The following RGS6 variants were observed in gnomAD, a reference collection of about 807,000 sequenced individuals.
The protein encoded by RGS6 is regulator of G-protein signaling 6.
A neutral mutation model predicts 78.5 loss-of-function variants in RGS6; 30 were observed. The ratio of observed to expected loss-of-function variants is 0.38; its 90% CI spans 0.29 to 0.52. The LOEUF (loss-of-function observed/expected upper bound fraction) is 0.52, where lower values mean the gene tolerates loss of function less well. RGS6 is among the 20% of genes least tolerant of loss of function. The pLI is 0.85. For synonymous variants in RGS6, 206 were observed against 206.0 expected (o/e 1.00, Z 0.00); for missense variants, 495 against 609.7 (o/e 0.81, Z 1.98).
intron 2 of RGS6, among the ~76,000 whole-genome samples, chr14:72,211,090 A>G (rs901538408): frequency 1.1e-4 from 17 of 152,334 alleles, no homozygotes; most frequent in African/African-American, 4.1e-4. Context: ...AAATTCAGAC[A>G]AATATATGTG....
chr14:71,991,658 C>G (rs1240428455), intron 2 of RGS6, among the ~76,000 whole-genome samples: 2 of 152,118 alleles, frequency 1.3e-5, no homozygotes, highest in African/African-American at 4.8e-5. Context: ...TTTTGAAGTA[C>G]CTACTTCCAT....
chr14:72,336,494 T>G (rs965605615), intron 2 of RGS6, among the ~76,000 whole-genome samples: 1 of 149,526 alleles, frequency 6.7e-6, no homozygotes, highest in Non-Finnish European at 1.5e-5. Flanking sequence ...AATTTGGAAA[T>G]AATTAGGTGT....
chr14:72,313,757 G>A (rs558991269), intron 2 of RGS6, among the ~76,000 whole-genome samples: 2 of 152,324 alleles, frequency 1.3e-5, no homozygotes, highest in African/African-American at 4.8e-5. Context: ...GCAGGCTGGG[G>A]AGTAAGGATG....
At chr14:71,875,324 C>T in the RGS6 span, among the ~76,000 whole-genome samples, 2 of 152,110 alleles carry the variant, frequency 1.3e-5, no homozygotes, top group Admixed American at 1.3e-4. Context: ...ATTTCAGATC[C>T]TGTTATTGTT....
At chr14:72,608,897 T>C in the RGS6 span, among the ~76,000 whole-genome samples, 2 of 152,076 alleles carry the variant, frequency 1.3e-5, no homozygotes, top group African/African-American at 2.4e-5. Context: ...TTTCTCTCTC[T>C]CCCTCTCTCT....
the RGS6 span, among the ~76,000 whole-genome samples, chr14:72,573,026 A>T: frequency 4.6e-5 from 7 of 152,260 alleles, no homozygotes; most frequent in African/African-American, 1.7e-4. Flanking sequence ...GCTGGTCCTT[A>T]GAGAAAGTGA....
At chr14:72,114,704 C>A (rs918298791) in intron 2 of RGS6, among the ~76,000 whole-genome samples, 3 of 152,094 alleles carry the variant, frequency 2.0e-5, no homozygotes, top group African/African-American at 7.2e-5. Flanking sequence ...ATCAGAGTTG[C>A]AAAATAAGAT....
chr14:72,222,486 C>T (rs775328075), intron 2 of RGS6, among the ~76,000 whole-genome samples: 1 of 152,222 alleles, frequency 6.6e-6, no homozygotes, highest in Non-Finnish European at 1.5e-5. Flanking sequence ...AGCCAGTTCC[C>T]ATCTTCCTGG....
the RGS6 span, among the ~76,000 whole-genome samples, chr14:72,578,886 G>A: frequency 1.3e-5 from 2 of 152,216 alleles, no homozygotes; most frequent in Non-Finnish European, 2.9e-5. Flanking sequence ...TGGCTTGGGC[G>A]AAGCTGTAAC....
chr14:72,508,549 C>T (rs1483314621), intron 13 of RGS6, among the ~76,000 whole-genome samples: 2 of 141,572 alleles, frequency 1.4e-5, no homozygotes, highest in African/African-American at 2.6e-5. Context: ...AAGCTTTCCA[C>T]GCACACAAGC....
chr14:72,111,891 ATC>A (rs1345292853), intron 2 of RGS6, among the ~76,000 whole-genome samples: 3 of 152,306 alleles, frequency 2.0e-5, no homozygotes, highest in African/African-American at 7.2e-5. Context: ...CTGGTAGTTA[ATC>A]TGGGTCCAGG....
intron 3 of RGS6, among the ~76,000 whole-genome samples, chr14:72,431,735 C>T (rs2094650830): frequency 6.6e-6 from 1 of 152,060 alleles, no homozygotes; most frequent in Admixed American, 6.6e-5. Context: ...TCCAAGGTCC[C>T]TGCACCCATC....
At chr14:71,987,148 G>A (rs2094749067) in intron 2 of RGS6, among the ~76,000 whole-genome samples, 1 of 152,182 alleles carries the variant, frequency 6.6e-6, no homozygotes, top group Admixed American at 6.5e-5. Context: ...AAAAGGAAAG[G>A]AAAATAATTT....
chr14:72,327,913 A>G (rs528117654), intron 2 of RGS6, among the ~76,000 whole-genome samples: 1 of 149,612 alleles, frequency 6.7e-6, no homozygotes, highest in Admixed American at 6.6e-5. Context: ...TATAGCCTAG[A>G]TATATAGATA....
At chr14:72,556,623 A>AGTG (rs982522635) in intron 17 of RGS6, among the ~76,000 whole-genome samples, 2 of 106,076 alleles carry the variant, frequency 1.9e-5, no homozygotes, top group Non-Finnish European at 3.3e-5. Context: ...GCAGAGCCTG[A>AGTG]GTGTTTACAC....
intron 3 of RGS6, among the ~76,000 whole-genome samples, chr14:72,416,684 T>G (rs897254718): frequency 6.6e-6 from 1 of 152,146 alleles, no homozygotes; most frequent in South Asian, 2.1e-4. Context: ...GCTGCCCCAT[T>G]GCAAACAAGG....
intron 2 of RGS6, among the ~76,000 whole-genome samples, chr14:71,985,091 A>G (rs2094638876): frequency 6.6e-6 from 1 of 152,200 alleles, no homozygotes. Context: ...AATCTGTGCC[A>G]TAATATGTCA....
At chr14:72,113,598 A>C (rs937543593) in intron 2 of RGS6, among the ~76,000 whole-genome samples, 1 of 152,188 alleles carries the variant, frequency 6.6e-6, no homozygotes, top group African/African-American at 2.4e-5. Context: ...AACCACTACC[A>C]AAAGTTAGTT....
At chr14:72,573,154 T>G in the RGS6 span, among the ~76,000 whole-genome samples, 1 of 152,202 alleles carries the variant, frequency 6.6e-6, no homozygotes, top group Admixed American at 6.5e-5. Context: ...CTCTGGAGAT[T>G]AAAGCCCTTG....
Sources: allele counts gnomAD v4.1 joint callset (sites outside exome capture counted in the v4.1 genomes callset), GRCh38; gene constraint gnomAD v4.1.1; transcripts MANE v1.5; gene names NCBI Gene and HGNC (gene_info 2026-07-23, HGNC 2026-07-21).